GNA15: variants seen among roughly 807,000 people sequenced by gnomAD.
The protein encoded by GNA15 is guanine nucleotide-binding protein subunit alpha-15.
Under a neutral mutation model 40.1 loss-of-function variants are expected in GNA15, and 23 were observed. That is an observed-to-expected ratio of 0.57 (90% CI 0.41 to 0.81). The LOEUF (loss-of-function observed/expected upper bound fraction) is 0.81, where lower values mean the gene tolerates loss of function less well. GNA15 is among the 40% of genes least tolerant of loss of function. GNA15 has a pLI of 0.00. For synonymous variants in GNA15, 226 were observed against 210.4 expected (o/e 1.07, Z -0.64); for missense variants, 522 against 515.8 (o/e 1.01, Z -0.12).
intron 1 of GNA15, among the ~76,000 whole-genome samples, chr19:3,140,572 A>C (rs1386388365): frequency 6.6e-6 from 1 of 151,444 alleles, no homozygotes; most frequent in African/African-American, 2.4e-5. Flanking sequence ...ACTCTGTTTG[A>C]TTTTTCTTCC....
chr19:3,153,232 G>A (rs183137420), intron 4 of GNA15, among the ~76,000 whole-genome samples: 1 of 150,866 alleles, frequency 6.6e-6, no homozygotes, highest in East Asian at 1.9e-4. Context: ...ACTTCTATGG[G>A]AGAGATACTT....
chr19:3,145,814 C>A (rs554563216), intron 1 of GNA15, among the ~76,000 whole-genome samples: 5 of 151,056 alleles, frequency 3.3e-5, no homozygotes, highest in South Asian at 2.1e-4. Context: ...TCCCAAAGTG[C>A]GGAGATTATA....
chr19:3,163,355 C>T lies in GNA15; in HGVS notation c.*336C>T, dbSNP rs1915184574. The stretch of plus-strand genomic sequence containing the variant: ...ATCTCTCAGGAGCCCCATCTCCGGG[C>T]GTGTCACCTCCTGGGCAGGGTTCTG... On this transcript the variant is annotated 3_prime_UTR_variant, in exon 7 of 7. Coordinates refer to ENST00000262958, the MANE Select transcript of GNA15 (RefSeq NM_002068.4). 2.7e-6 allele frequency: 1 copy of T among 370,000 alleles called. No individual in the cohort carries two copies. The highest frequency in any genetic ancestry group is 2.1e-5 in the African/African-American group (1 of 48,216). 22.9% of individuals were successfully genotyped at this position (370,000 alleles called of 1,614,324 possible). A position where few individuals can be genotyped will look rare whatever the true frequency, so the allele number is the denominator to read the frequency against.
intron 6 of GNA15, among the ~76,000 whole-genome samples, chr19:3,162,056 GATAATA>G: frequency 6.7e-6 from 1 of 149,416 alleles, no homozygotes; most frequent in African/African-American, 2.5e-5. Flanking sequence ...TAATAATAAT[GATAATA>G]ATAATAAAAT....
intron 3 of GNA15, among the ~76,000 whole-genome samples, chr19:3,150,597 T>C (rs1043226002): frequency 1.3e-5 from 2 of 151,790 alleles, no homozygotes; most frequent in Non-Finnish European, 2.9e-5. Context: ...GTTCTAGGAG[T>C]GACTCTGTTC....
chr19:3,138,797 A>ATC (rs752489903), intron 1 of GNA15, among the ~76,000 whole-genome samples: 4 of 140,970 alleles, frequency 2.8e-5, no homozygotes, highest in African/African-American at 1.1e-4. Context: ...CGCCCAGTTA[A>ATC]TTTTTTTTTT....
rs1329682479 is a variant in GNA15, at chr19:3,151,448, A to T, written c.486-259A>T. Among the ~76,000 whole-genome samples the T allele has an allele frequency of 3.3e-5, 5 of 152,068 alleles. No individual in the cohort carries two copies. The South Asian group carries it at 6.2e-4, about 19-fold the overall frequency. On this transcript the variant is annotated intron_variant, in intron 3 of 6. Coordinates refer to ENST00000262958, the MANE Select transcript of GNA15 (RefSeq NM_002068.4). This position sits in a 1 kb window ranked among gnomAD's most constrained non-coding sequence, Gnocchi z 5.0. ...CCTGCCATAGCAGCTCTCCCGGGGGACACCACTCCTCGATGAGGCCATTCC... is the reference window on the plus strand; with the variant it reads ...CCTGCCATAGCAGCTCTCCCGGGGGTCACCACTCCTCGATGAGGCCATTCC...
intron 1 of GNA15, chr19:3,146,501 G>A (rs571456195): frequency 6.6e-6 from 1 of 152,176 alleles, no homozygotes; most frequent in South Asian, 2.1e-4. Flanking sequence ...AGGCTCAGAA[G>A]AGCCTGAAGT....
Position 3,146,149 on chromosome 19 carries a change from C to T in GNA15, c.146-2442C>T, listed in dbSNP as rs1162620795. On this transcript the variant is annotated intron_variant, in intron 1 of 6. Transcript: ENST00000262958. ...CTCGATCAAGTCCTGCCTGCACCGA[C>T]CCCTACCCCCGCCCTCTGCACGCCA... Among the ~76,000 whole-genome samples, 3 of 152,136 alleles carry T rather than the reference C, an allele frequency of 2.0e-5. No homozygotes were observed. In the South Asian group the frequency reaches 6.2e-4, roughly 31 times the overall value.
chr19:3,150,276 C>T lies in GNA15; in HGVS notation c.476C>T (p.Ser159Leu). ...ERRREFHLLD[S>L]AVYYLSHLER... ...CGGCGGGAATTCCACCTGCTCGATT[C>T]AGCCGTGTAGTGAGTCTGGGGTCTG... The change falls in exon 3 of 7, where the codon TCA becomes TTA. Residue 159 changes from serine to leucine, a missense_variant. Physicochemically the swap from Ser to Leu is moderately radical, Grantham distance 145 (BLOSUM62 -2). Coordinates refer to ENST00000262958, the MANE Select transcript of GNA15 (RefSeq NM_002068.4). The T allele has an allele frequency of 6.3e-7, 1 of 1,592,812 alleles. No homozygotes were observed. Among genetic ancestry groups the T allele is most frequent in the Non-Finnish European group, 8.5e-7 (1 of 1,169,844 alleles).
intron 4 of GNA15, among the ~76,000 whole-genome samples, chr19:3,154,675 A>G (rs1914969470): frequency 1.4e-5 from 2 of 147,320 alleles, no homozygotes; most frequent in East Asian, 2.2e-4. Flanking sequence ...GGATGGATGG[A>G]TAGATGGGTA....
intron 2 of GNA15, 43 bp downstream of exon 2, chr19:3,148,818 C>T (rs747922021): frequency 2.0e-6 from 3 of 1,532,330 alleles, no homozygotes; most frequent in Non-Finnish European, 2.6e-6. Flanking sequence ...AGGCAGGGGC[C>T]CAGGGCAGGG....
chr19:3,151,556 C>T lies in GNA15; in HGVS notation c.486-151C>T, dbSNP rs138262098. ...GGGCTCCATTGCCTCAGGTGGGGGA[C>T]GCTCCTGGGCCATCTGCCAACTCCA... On this transcript the variant is annotated intron_variant, in intron 3 of 6. Coordinates refer to ENST00000262958, the MANE Select transcript of GNA15 (RefSeq NM_002068.4). This position sits in a 1 kb window ranked among gnomAD's most constrained non-coding sequence, Gnocchi z 5.0. 5.2e-4 allele frequency: 399 copies of T among 763,384 alleles called. 4 individuals are homozygous for T. The highest frequency in any genetic ancestry group is 1.8e-3 in the South Asian group (68 of 37,894). 47.3% of individuals were successfully genotyped at this position (763,384 alleles called of 1,614,324 possible).
At chr19:3,139,879 C>A (rs1048625417) in intron 1 of GNA15, among the ~76,000 whole-genome samples, 30 of 147,168 alleles carry the variant, frequency 2.0e-4, no homozygotes, top group Non-Finnish European at 3.9e-4. Flanking sequence ...ACTAAAAATA[C>A]AAAAATTAGC....
chr19:3,163,145 G>C lies in GNA15; in HGVS notation c.*126G>C. On this transcript the variant is annotated 3_prime_UTR_variant, in exon 7 of 7. Coordinates refer to ENST00000262958, the MANE Select transcript of GNA15 (RefSeq NM_002068.4). ...CCACACGCAAGGGAGTCGGGGGACG[G>C]ACGGCCCGCTGCTGGCCGCTCTCTT... 3.0e-6 allele frequency: 2 copies of C among 657,360 alleles called. No individual in the cohort carries two copies. Among genetic ancestry groups the C allele is most frequent in the East Asian group, 2.7e-5 (1 of 36,756 alleles). The allele number at this position is 657,360 out of a possible 1,614,324, so 40.7% of individuals were successfully genotyped here. A position where few individuals can be genotyped will look rare whatever the true frequency, so the allele number is the denominator to read the frequency against.
rs1309704947 is a variant in GNA15 at position 3,148,778 on chromosome 19, G to A, written c.330+3G>A. The stretch of plus-strand genomic sequence containing the variant: ...CATTCAGCAGGCCCGAGAGCAAGGT[G>A]AGCCGCCAGGGCAGGCAGGGGCCCA... On this transcript the variant is annotated splice_donor_region_variant and intron_variant, in intron 2 of 6. Transcript: ENST00000262958. The A allele has an allele frequency of 3.1e-6, 5 of 1,591,248 alleles. No homozygotes were observed. Among genetic ancestry groups the A allele is most frequent in the Non-Finnish European group, 8.6e-7 (1 of 1,168,794 alleles).
intron 6 of GNA15, among the ~76,000 whole-genome samples, chr19:3,161,771 A>T (rs1915141945): frequency 6.6e-6 from 1 of 152,138 alleles, no homozygotes; most frequent in Non-Finnish European, 1.5e-5. Flanking sequence ...ATTTGTGATA[A>T]TAATAAGAAA....
chr19:3,154,630 G>T (rs1483773669), intron 4 of GNA15, among the ~76,000 whole-genome samples: 3 of 151,334 alleles, frequency 2.0e-5, no homozygotes, highest in Non-Finnish European at 4.4e-5. Flanking sequence ...GTGAATGGCT[G>T]GATGGGTGGA....
rs1915160281 is a variant in GNA15, at chr19:3,162,442, C to G, written c.899-351C>G. Reference sequence around the variant, plus strand: ...CGTTTGGCCTTGATGCCGCCATCTTCACAGTCCTGGGATATTTGTCTATGC... The same window carrying G: ...CGTTTGGCCTTGATGCCGCCATCTTGACAGTCCTGGGATATTTGTCTATGC... On this transcript the variant is annotated intron_variant, in intron 6 of 6. Transcript: ENST00000262958. Among the ~76,000 whole-genome samples the G allele has an allele frequency of 2.0e-5, 3 of 152,216 alleles. No homozygotes were observed. The Middle Eastern group carries it at 0.01, about 521-fold the overall frequency.
Sources: allele counts gnomAD v4.1 joint callset (sites outside exome capture counted in the v4.1 genomes callset), GRCh38; gene constraint gnomAD v4.1.1; non-coding constraint Gnocchi (gnomAD v3.1); transcripts MANE v1.5; gene names NCBI Gene and HGNC (gene_info 2026-07-23, HGNC 2026-07-21).